GABRB3: variants seen among roughly 807,000 people sequenced by gnomAD.
GABRB3 encodes the protein gamma-aminobutyric acid receptor subunit beta-3.
GABRB3 carries 14 observed loss-of-function variants against 52.1 expected under a neutral mutation model. The ratio of observed to expected loss-of-function variants is 0.27; its 90% CI spans 0.18 to 0.42. The LOEUF is 0.42. Ranked by LOEUF, GABRB3 falls within the 10% of genes least tolerant of loss-of-function variation. The probability of loss-of-function intolerance (pLI) is 1.00; values close to 1 mark genes in which losing one functional copy is unlikely to be tolerated. For missense variants in GABRB3, 307 were observed against 609.1 expected (o/e 0.50, Z 5.22); for synonymous variants, 260 against 232.3 (o/e 1.12, Z -1.08).
chr15:26,622,235 G>C (rs745678366), intron 3 of GABRB3, among the ~76,000 whole-genome samples: 2 of 152,134 alleles, frequency 1.3e-5, no homozygotes, highest in African/African-American at 2.4e-5. Flanking sequence ...GTTGTCCACA[G>C]GCTTGCCCAC....
intron 3 of GABRB3, among the ~76,000 whole-genome samples, chr15:26,766,450 C>T (rs754046984): frequency 6.6e-6 from 1 of 152,184 alleles, no homozygotes; most frequent in Non-Finnish European, 1.5e-5. Context: ...TGACACTTCT[C>T]AATTTCTTTT....
intron 3 of GABRB3, among the ~76,000 whole-genome samples, chr15:26,761,651 C>G (rs1595354732): frequency 6.6e-6 from 1 of 152,102 alleles, no homozygotes; most frequent in Admixed American, 6.5e-5. Flanking sequence ...GATGCAGTGT[C>G]TGAGCACTGC....
intron 3 of GABRB3, among the ~76,000 whole-genome samples, chr15:26,708,668 C>T (rs1408377237): frequency 6.6e-6 from 1 of 152,196 alleles, no homozygotes; most frequent in Non-Finnish European, 1.5e-5. Context: ...GAGGAATCAG[C>T]ATGTGCAAAA....
chr15:26,664,573 G>T (rs1053409823), intron 3 of GABRB3, among the ~76,000 whole-genome samples: 4 of 151,366 alleles, frequency 2.6e-5, no homozygotes, highest in African/African-American at 4.9e-5. Context: ...AATTATTATG[G>T]GTACCTCATA....
chr15:26,616,807 T>C (rs1422147631), intron 4 of GABRB3, among the ~76,000 whole-genome samples: 2 of 152,204 alleles, frequency 1.3e-5, no homozygotes, highest in Non-Finnish European at 2.9e-5. Flanking sequence ...TGGTTGATCT[T>C]ACTCTTACCT....
intron 3 of GABRB3, among the ~76,000 whole-genome samples, chr15:26,696,476 C>A (rs537388739): frequency 1.2e-4 from 19 of 152,278 alleles, no homozygotes; most frequent in African/African-American, 3.8e-4. Context: ...TTGGGACCTG[C>A]AATCTTACCT....
chr15:26,544,269 C>T lies in GABRB3; in HGVS notation c.*3524G>A, dbSNP rs1186541751. ...GGGACAAACACCAATGGATTATCTA[C>T]TAGATGCTGAAAATGAACACCTACA... On this transcript the variant is annotated 3_prime_UTR_variant, in exon 9 of 9. Transcript: ENST00000311550. The T allele has an allele frequency of 1.3e-5, 2 of 152,590 alleles. No individual in the cohort carries two copies. The highest frequency in any genetic ancestry group is 4.8e-5 in the African/African-American group (2 of 41,424). The allele number at this position is 152,590 out of a possible 1,614,324, so 9.5% of individuals were successfully genotyped here.
chr15:26,562,638 T>G (rs1890033007), intron 7 of GABRB3, among the ~76,000 whole-genome samples: 1 of 152,220 alleles, frequency 6.6e-6, no homozygotes, highest in Non-Finnish European at 1.5e-5. Context: ...TGCCCTCTGA[T>G]TTCCCATCCT....
intron 3 of GABRB3, among the ~76,000 whole-genome samples, chr15:26,712,172 T>C (rs1344484867): frequency 1.1e-5 from 1 of 87,270 alleles, no homozygotes; most frequent in Non-Finnish European, 2.6e-5. Context: ...CAGTGGACTT[T>C]TCTTTCTTTT....
intron 4 of GABRB3, among the ~76,000 whole-genome samples, chr15:26,602,577 C>T (rs1030211544): frequency 5.3e-5 from 8 of 151,926 alleles, no homozygotes; most frequent in African/African-American, 1.9e-4. Flanking sequence ...GTGACCACAA[C>T]AGAATAAAAC....
intron 3 of GABRB3, among the ~76,000 whole-genome samples, chr15:26,712,178 CTT>C (rs3046011): frequency 4.0e-4 from 58 of 146,464 alleles, no homozygotes; most frequent in Admixed American, 6.8e-4. Flanking sequence ...ACTTTTCTTT[CTT>C]TTTTTTTTTT....
At chr15:26,568,175 G>C (rs1273712843) in intron 6 of GABRB3, among the ~76,000 whole-genome samples, 1 of 152,144 alleles carries the variant, frequency 6.6e-6, no homozygotes, top group Admixed American at 6.5e-5. Context: ...AGATGTTAGA[G>C]GCATTGCCCC....
intron 8 of GABRB3, chr15:26,553,591 T>C (rs1248720754): frequency 1.3e-5 from 2 of 152,176 alleles, no homozygotes; most frequent in East Asian, 3.9e-4. Context: ...ATGCAATGTT[T>C]TAAATAACAA....
chr15:26,571,442 G>A (rs1054249681), intron 6 of GABRB3, among the ~76,000 whole-genome samples: 8 of 152,194 alleles, frequency 5.3e-5, no homozygotes, highest in Non-Finnish European at 8.8e-5. Flanking sequence ...TCAGGAGAAC[G>A]GGAATGTTTA....
At chr15:26,762,583 AAGAT>A (rs1262470299) in intron 3 of GABRB3, among the ~76,000 whole-genome samples, 1 of 152,142 alleles carries the variant, frequency 6.6e-6, no homozygotes, top group Non-Finnish European at 1.5e-5. Flanking sequence ...CCCCCTCATG[AAGAT>A]TTGCAAAATC....
At chr15:26,558,459 A>G (rs1051656066) in intron 8 of GABRB3, among the ~76,000 whole-genome samples, 1 of 152,176 alleles carries the variant, frequency 6.6e-6, no homozygotes, top group South Asian at 2.1e-4. Context: ...GGATAGAGCA[A>G]GAAAACCTCC....
chr15:26,574,623 G>A (rs1890526210), intron 6 of GABRB3, among the ~76,000 whole-genome samples: 1 of 152,122 alleles, frequency 6.6e-6, no homozygotes, highest in Non-Finnish European at 1.5e-5. Flanking sequence ...TGAAAACCAT[G>A]CAAGTGAAAG....
At chr15:26,736,162 A>G (rs1363129942) in intron 3 of GABRB3, among the ~76,000 whole-genome samples, 1 of 152,230 alleles carries the variant, frequency 6.6e-6, no homozygotes, top group Non-Finnish European at 1.5e-5. Context: ...AGTGGCAATT[A>G]TTGCACAAAA....
Position 26,772,466 on chromosome 15 carries a change from G to T in GABRB3, c.176C>A (p.Pro59His). The part of the protein sequence containing the change: ...DIRLRPDFGG[P>H]PVCVGMNIDI... Reference sequence around the variant, plus strand: ...GATGTTCATCCCCACGCAGACCGGGGGACCTGCGGGAAGCACAGGACACGG... The same window carrying T: ...GATGTTCATCCCCACGCAGACCGGGTGACCTGCGGGAAGCACAGGACACGG... Residue 59 changes from proline (P) to histidine (H), a missense_variant, in exon 3 of 9, where the codon CCC (proline) becomes CAC (histidine). Transcript: ENST00000311550. 1.9e-6 allele frequency: 3 copies of T among 1,610,330 alleles called. No homozygotes were observed. Among genetic ancestry groups the T allele is most frequent in the Non-Finnish European group, 2.5e-6 (3 of 1,178,330 alleles).
Sources: allele counts gnomAD v4.1 joint callset (sites outside exome capture counted in the v4.1 genomes callset), GRCh38; gene constraint gnomAD v4.1.1; transcripts MANE v1.5; gene names NCBI Gene and HGNC (gene_info 2026-07-23, HGNC 2026-07-21).